The following RDH13 variants were observed in gnomAD, a reference collection of about 807,000 sequenced individuals.
The protein encoded by RDH13 is retinol dehydrogenase 13, also known as retinol dehydrogenase 13 (all-trans and 9-cis).
Under a neutral mutation model 28.3 loss-of-function variants are expected in RDH13, and 35 were observed. The ratio of observed to expected loss-of-function variants is 1.24; its 90% CI spans 0.95 to 1.64. The LOEUF (loss-of-function observed/expected upper bound fraction) is 1.64. Among genes scored for constraint, RDH13 ranks in the 40% most tolerant of loss-of-function variants. The pLI, the probability that RDH13 is intolerant of heterozygous loss-of-function variation, is 0.00. For synonymous variants in RDH13, 229 were observed against 198.5 expected (o/e 1.15, Z -1.29); for missense variants, 514 against 446.3 (o/e 1.15, Z -1.37).
At chr19:55,063,201 C>T (rs986284455), upstream of RDH13, 1 of 489,238 alleles carries the variant, frequency 2.0e-6, no homozygotes, top group African/African-American at 2.0e-5. Flanking sequence ...GGGGCGCGGG[C>T]GGAGGGGGCG....
intron 6 of RDH13, chr19:55,046,982 C>T (rs939958514): frequency 6.8e-6 from 2 of 294,722 alleles, no homozygotes; most frequent in Non-Finnish European, 1.1e-5. Context: ...CTCGTATAAC[C>T]CCCCCAGTGA....
rs1263926251 is a variant in RDH13 at position 55,039,163 on chromosome 19, CAT to C, written n.1917_1918del. Reference sequence around the variant, plus strand: ...AATAGCCAAAAGGTGAAACCACCCACATGTCCATCAACAACAATGGATAAACA... The same window carrying C: ...AATAGCCAAAAGGTGAAACCACCCACGTCCATCAACAACAATGGATAAACA... On this transcript the variant is annotated non_coding_transcript_exon_variant, in exon 3 of 3. Coordinates refer to the RDH13 transcript ENST00000586331. 2.6e-5 allele frequency: 4 copies of C among 152,374 alleles called. 1 individual carries two copies. The highest frequency in any genetic ancestry group is 4.1e-4 in the South Asian group (2 of 4,832). The allele number at this position is 152,374 out of a possible 1,614,324, so 9.4% of individuals were successfully genotyped here.
chr19:55,048,901 T>C (rs1484712610), intron 3 of RDH13, 138 bp from the exon 4 acceptor site: 4 of 741,100 alleles, frequency 5.4e-6, no homozygotes, highest in Non-Finnish European at 9.2e-6. Context: ...GAAGTGGCCA[T>C]GTCAGGATGC....
chr19:55,042,394 A>G (rs146354502), downstream of RDH13: 155 of 152,288 alleles, frequency 1.0e-3, no homozygotes, highest in African/African-American at 3.3e-3. Flanking sequence ...CCCTTGGTTC[A>G]AGCAGTTCTT....
chr19:55,039,948 T>C (rs944044720), downstream of RDH13, among the ~76,000 whole-genome samples: 1 of 152,354 alleles, frequency 6.6e-6, no homozygotes, highest in African/African-American at 2.4e-5. Flanking sequence ...AGATAAATAC[T>C]GCATTGTGCC....
chr19:55,062,844 G>C (rs147245900), intron 1 of RDH13, 124 bp downstream of exon 1: 1 of 827,450 alleles, frequency 1.2e-6, no homozygotes, highest in Non-Finnish European at 1.7e-6. Context: ...CTCCGGGCGG[G>C]CACTGCGGGT....
At chr19:55,066,486 C>T (rs964171816), upstream of RDH13, among the ~76,000 whole-genome samples, 1 of 93,906 alleles carries the variant, frequency 1.1e-5, no homozygotes. Context: ...CCTCTGTCCT[C>T]TTTTCTCTCT....
intron 1 of RDH13, among the ~76,000 whole-genome samples, chr19:55,061,251 C>G (rs1328719106): frequency 6.6e-6 from 1 of 152,198 alleles, no homozygotes; most frequent in East Asian, 1.9e-4. Context: ...CCTTAGCCTC[C>G]TGAGTGGCTG....
Position 55,045,377 on chromosome 19 carries a change from G to A in RDH13, c.761-68C>T, listed in dbSNP as rs55795944. On this transcript the variant is annotated intron_variant, in intron 6 of 6. Coordinates refer to ENST00000415061, the MANE Select transcript of RDH13 (RefSeq NM_001145971.2). ...GAGAAGGAAGGAAGCCCCGCTCCCC[G>A]GTCAGGGAGCTCCGGGTCCCTGGAG... is the stretch of plus-strand genomic sequence containing the variant. The A allele has an allele frequency of 3.8e-3, 4,963 of 1,304,138 alleles. 17 individuals are homozygous for A. Among genetic ancestry groups the A allele is most frequent in the Non-Finnish European group, 4.8e-3 (4,522 of 938,042 alleles). The allele number at this position is 1,304,138 out of a possible 1,614,324, so 80.8% of individuals were successfully genotyped here.
chr19:55,044,745 A>T lies in RDH13; in HGVS notation c.*329T>A. 1 of 361,700 alleles carries T rather than the reference A, an allele frequency of 2.8e-6. No individual in the cohort carries two copies. Among genetic ancestry groups the T allele is most frequent in the Non-Finnish European group, 5.0e-6 (1 of 201,554 alleles). 22.4% of individuals were successfully genotyped at this position (361,700 alleles called of 1,614,324 possible). On this transcript the variant is annotated 3_prime_UTR_variant, in exon 7 of 7. Coordinates refer to ENST00000415061, the MANE Select transcript of RDH13 (RefSeq NM_001145971.2). ...ACGGAGCACCTTGGAACCCTCCCCG[A>T]CAGGCACCGCTGGCTCTCCTGACGT... is the stretch of plus-strand genomic sequence containing the variant.
rs2075270824 is a variant in RDH13, at chr19:55,047,371, CTGGGAGGGG to C, written c.760+7_760+15del. On this transcript the variant is annotated splice_region_variant and intron_variant, in intron 6 of 6. Coordinates refer to ENST00000415061, the MANE Select transcript of RDH13 (RefSeq NM_001145971.2). ...GAGGGCTCCACGTGGAGACCCCAGG[CTGGGAGGGG>C]ACTCACCGAGTGTGGTGCTGGAGAA... 6.2e-7 allele frequency: 1 copy of C among 1,609,054 alleles called. No individual in the cohort carries two copies. The highest frequency in any genetic ancestry group is 1.7e-5 in the Admixed American group (1 of 59,706).
At chr19:55,064,775 G>T (rs2075922098), upstream of RDH13, among the ~76,000 whole-genome samples, 1 of 149,818 alleles carries the variant, frequency 6.7e-6, no homozygotes, top group Admixed American at 7.0e-5. Context: ...ACCACACCCG[G>T]CTAATTTTTG....
chr19:55,049,906 C>T (rs1182172012), intron 3 of RDH13, among the ~76,000 whole-genome samples: 1 of 151,376 alleles, frequency 6.6e-6, no homozygotes, highest in African/African-American at 2.4e-5. Context: ...CTCTCCTTGG[C>T]TCACAGGTGA....
At chr19:55,048,952 A>C (rs1568693926) in intron 3 of RDH13, among the ~76,000 whole-genome samples, 189 bp from the exon 4 acceptor site, 1 of 152,186 alleles carries the variant, frequency 6.6e-6, no homozygotes, top group East Asian at 1.9e-4. Context: ...TGGTGTCCTT[A>C]TAGGAAGGGA....
At position 55,048,725 on chromosome 19, in the gene RDH13, C is replaced by G; in HGVS notation, c.379G>C (p.Val127Leu). Residue 127 changes from valine to leucine, a missense_variant, in exon 4 of 7, where the codon GTG (valine) becomes CTG (leucine). Transcript: ENST00000415061. ...GTGGTCCAGTGGGGGCACCGCATCA[C>G]ACCCGCGTTGTTGATTAGAATGTCC... is the stretch of plus-strand genomic sequence containing the variant. ...RVDILINNAG[V>L]MRCPHWTTED... 2 of 1,614,094 alleles carry G rather than the reference C, an allele frequency of 1.2e-6. No homozygotes were observed. The highest frequency in any genetic ancestry group is 8.5e-7 in the Non-Finnish European group (1 of 1,180,038).
intron 1 of RDH13, 77 bp downstream of exon 1, chr19:55,062,891 G>A (rs1023520851): frequency 1.5e-5 from 19 of 1,237,300 alleles, no homozygotes; most frequent in Admixed American, 3.9e-5. Context: ...TGCGAGGGGC[G>A]GGGGTCTCCG....
chr19:55,056,281 T>C (rs1330590079), intron 3 of RDH13, among the ~76,000 whole-genome samples: 2 of 152,066 alleles, frequency 1.3e-5, no homozygotes, highest in African/African-American at 2.4e-5. Context: ...CTGGCCAACG[T>C]GGTGAAACCC....
chr19:55,049,789 C>A (rs1172525537), intron 3 of RDH13, among the ~76,000 whole-genome samples: 5 of 126,480 alleles, frequency 4.0e-5, no homozygotes, highest in East Asian at 2.3e-4. Context: ...AACTCCATCT[C>A]AAAAAAAAAA....
chr19:55,040,566 T>C (rs988558444), downstream of RDH13: 1 of 152,262 alleles, frequency 6.6e-6, no homozygotes, highest in East Asian at 1.9e-4. Context: ...GTGACCATGG[T>C]TGAATGCCTG....
Sources: gnomAD v4.1 joint callset for allele counts (sites outside exome capture counted in the v4.1 genomes callset) on GRCh38, gnomAD v4.1.1 for gene constraint, MANE v1.5 for transcripts, NCBI Gene and HGNC (gene_info 2026-07-23, HGNC 2026-07-21) for gene names.